Variants in CSGALNACT1 observed in about 807,000 individuals in gnomAD.
The protein encoded by CSGALNACT1 is chondroitin sulfate N-acetylgalactosaminyltransferase 1.
A neutral mutation model predicts 51.0 loss-of-function variants in CSGALNACT1; 52 were observed. That is an observed-to-expected ratio of 1.02 (90% confidence interval 0.82 to 1.29). The LOEUF is 1.29. Ranked by LOEUF, CSGALNACT1 falls within the 50% of genes most tolerant of loss-of-function variation. CSGALNACT1 has a pLI of 0.00. For missense variants in CSGALNACT1, 935 were observed against 679.2 expected, an observed-to-expected ratio of 1.38 and a Z score of -4.19; for synonymous variants, 341 against 254.4, an observed-to-expected ratio of 1.34 and a Z score of -3.24.
chr8:19,619,158 A>T (rs569204492), intron 1 of CSGALNACT1, among the ~76,000 whole-genome samples: 40 of 151,128 alleles, frequency 2.6e-4, no homozygotes, highest in African/African-American at 9.7e-4. Flanking sequence ...ACATTAGACT[A>T]CTCAGACTCA....
chr8:19,564,709 A>G (rs903062731), intron 3 of CSGALNACT1, among the ~76,000 whole-genome samples: 6 of 152,186 alleles, frequency 3.9e-5, no homozygotes, highest in Non-Finnish European at 7.3e-5. Context: ...GGATCATCCA[A>G]TCGAAAGACG....
At chr8:19,510,580 G>T (rs17408029) in intron 3 of CSGALNACT1, among the ~76,000 whole-genome samples, 2,985 of 152,174 alleles carry the variant, frequency 0.02, 52 homozygotes, top group Middle Eastern at 0.034. Flanking sequence ...GCTTGTAGAG[G>T]AACTAACGTC....
intron 3 of CSGALNACT1, among the ~76,000 whole-genome samples, chr8:19,560,961 C>A (rs2040569776): frequency 6.6e-6 from 1 of 152,194 alleles, no homozygotes; most frequent in Admixed American, 6.5e-5. Flanking sequence ...GCAGCAAAAT[C>A]TAAGAAGCCA....
intron 1 of CSGALNACT1, among the ~76,000 whole-genome samples, chr8:19,674,211 C>T (rs1171572835): frequency 6.6e-6 from 1 of 152,072 alleles, no homozygotes; most frequent in African/African-American, 2.4e-5. Context: ...GAGAATTGTT[C>T]GAACCTGGGA....
intron 5 of CSGALNACT1, among the ~76,000 whole-genome samples, chr8:19,453,819 C>T (rs748579835): frequency 5.3e-5 from 8 of 151,518 alleles, no homozygotes; most frequent in African/African-American, 1.5e-4. Flanking sequence ...GGCTGAGGTA[C>T]GAGAAGCACT....
intron 4 of CSGALNACT1, among the ~76,000 whole-genome samples, chr8:19,458,861 C>T (rs1412485433): frequency 6.6e-6 from 1 of 152,030 alleles, no homozygotes; most frequent in African/African-American, 2.4e-5. Context: ...TGCATAAAAA[C>T]ATGGGAAAAA....
intron 6 of CSGALNACT1, among the ~76,000 whole-genome samples, chr8:19,424,391 A>C (rs1340972160): frequency 6.6e-6 from 1 of 152,050 alleles, no homozygotes; most frequent in Admixed American, 6.6e-5. Flanking sequence ...TTTTCCAATA[A>C]ACCAGTGATC....
intron 3 of CSGALNACT1, among the ~76,000 whole-genome samples, chr8:19,581,731 C>A (rs1159060827): frequency 6.6e-6 from 1 of 152,162 alleles, no homozygotes; most frequent in Non-Finnish European, 1.5e-5. Context: ...GTATCAGCAA[C>A]ATATTAATAC....
intron 3 of CSGALNACT1, among the ~76,000 whole-genome samples, chr8:19,522,446 C>T (rs113071737): frequency 1.2e-4 from 19 of 152,336 alleles, no homozygotes; most frequent in African/African-American, 4.1e-4. Context: ...ATTTGAAAAA[C>T]TCTCTCTAAA....
intron 1 of CSGALNACT1, among the ~76,000 whole-genome samples, chr8:19,707,036 G>T (rs1275919735): frequency 6.6e-6 from 1 of 152,056 alleles, no homozygotes; most frequent in Non-Finnish European, 1.5e-5. Context: ...AAGGAGAGAG[G>T]CCGGGAAGCT....
At chr8:19,447,809 C>T (rs891051764) in intron 5 of CSGALNACT1, among the ~76,000 whole-genome samples, 1 of 152,220 alleles carries the variant, frequency 6.6e-6, no homozygotes, top group East Asian at 1.9e-4. Flanking sequence ...TGTTCTCCAA[C>T]CAGCTTTTGT....
intron 1 of CSGALNACT1, among the ~76,000 whole-genome samples, chr8:19,750,055 T>TG (rs1166421489): frequency 6.6e-6 from 1 of 152,198 alleles, no homozygotes; most frequent in Non-Finnish European, 1.5e-5. Context: ...TATATCCCCC[T>TG]GCATCCTGGA....
At chr8:19,625,996 C>T in intron 1 of CSGALNACT1, among the ~76,000 whole-genome samples, 1 of 152,168 alleles carries the variant, frequency 6.6e-6, no homozygotes. Flanking sequence ...AAAACACATA[C>T]AGGATGAAGA....
intron 1 of CSGALNACT1, among the ~76,000 whole-genome samples, chr8:19,720,300 G>A (rs547718224): frequency 9.9e-5 from 15 of 152,246 alleles, no homozygotes; most frequent in African/African-American, 2.2e-4. Flanking sequence ...TAAATAAGAC[G>A]CGATCCCAGT....
At chr8:19,540,407 C>A (rs1191812289) in intron 3 of CSGALNACT1, among the ~76,000 whole-genome samples, 1 of 152,172 alleles carries the variant, frequency 6.6e-6, no homozygotes, top group Non-Finnish European at 1.5e-5. Context: ...TGGATTCGTA[C>A]CCCATCGGCT....
intron 4 of CSGALNACT1, among the ~76,000 whole-genome samples, chr8:19,460,999 C>G (rs2065237375): frequency 6.6e-6 from 1 of 152,140 alleles, no homozygotes; most frequent in Non-Finnish European, 1.5e-5. Flanking sequence ...CCACAGTTCC[C>G]CAGCAGTGAA....
At chr8:19,496,650 A>T (rs2075521677) in intron 4 of CSGALNACT1, among the ~76,000 whole-genome samples, 1 of 152,228 alleles carries the variant, frequency 6.6e-6, no homozygotes, top group Non-Finnish European at 1.5e-5. Context: ...AGGTGAAGTC[A>T]CGGAGCAAAC....
At chr8:19,747,826 G>T (rs1485966233) in intron 1 of CSGALNACT1, among the ~76,000 whole-genome samples, 1 of 148,838 alleles carries the variant, frequency 6.7e-6, no homozygotes, top group Non-Finnish European at 1.5e-5. Flanking sequence ...AAAAAAAAAA[G>T]AAAAGAAAAA....
At chr8:19,489,186 T>TC (rs1014184826) in intron 4 of CSGALNACT1, among the ~76,000 whole-genome samples, 10 of 147,172 alleles carry the variant, frequency 6.8e-5, no homozygotes, top group Non-Finnish European at 1.1e-4. Flanking sequence ...AGTGAGAAAA[T>TC]CAGTATGATT....
Sources: gnomAD v4.1 joint callset for allele counts (sites outside exome capture counted in the v4.1 genomes callset) on GRCh38, gnomAD v4.1.1 for gene constraint, MANE v1.5 for transcripts, NCBI Gene and HGNC (gene_info 2026-07-23, HGNC 2026-07-21) for gene names.